INKA2: variants seen among roughly 807,000 people sequenced by gnomAD.
INKA2 encodes inka box actin regulator 2.
A neutral mutation model predicts 9.8 loss-of-function variants in INKA2; 3 were observed. The observed-to-expected ratio is 0.31, with a 90% CI of 0.14 to 0.79. The LOEUF is 0.79. INKA2 is among the 30% of genes least tolerant of loss of function. INKA2 has a pLI of 0.62. For missense variants in INKA2, 392 were observed against 384.4 expected, an observed-to-expected ratio of 1.02 and a Z score of -0.17; for synonymous variants, 147 against 143.3, an observed-to-expected ratio of 1.03 and a Z score of -0.18.
At chr1:111,752,277 CCTTA>C (rs1184638860) in intron 1 of INKA2, among the ~76,000 whole-genome samples, 4 of 152,122 alleles carry the variant, frequency 2.6e-5, no homozygotes, top group Non-Finnish European at 5.9e-5. Context: ...TATTTTGGGG[CCTTA>C]CTTTCAATCA....
intron 1 of INKA2, among the ~76,000 whole-genome samples, chr1:111,731,231 T>C (rs1235824484): frequency 6.6e-6 from 1 of 152,218 alleles, no homozygotes; most frequent in East Asian, 1.9e-4. Context: ...TGCAAAATAA[T>C]ATTCTGCATT....
At chr1:111,743,041 TA>T (rs1254996801), upstream of INKA2, among the ~76,000 whole-genome samples, 2 of 152,176 alleles carry the variant, frequency 1.3e-5, no homozygotes, top group African/African-American at 2.4e-5. Flanking sequence ...TTTTTCTTTT[TA>T]AAAAAGGATT....
In INKA2 at chr1:111,755,097, TGA is replaced by T. The variant is rs142940838; in HGVS notation, n.124+602_124+603del. ...AGCAATACAGAAGGCATGTAACATTTGAGAGTCTATTAGGCATCCCAAGGGAG... is the reference window on the plus strand; with the variant it reads ...AGCAATACAGAAGGCATGTAACATTTGAGTCTATTAGGCATCCCAAGGGAG... On this transcript the variant is annotated intron_variant and non_coding_transcript_variant, in intron 1 of 1. Coordinates refer to the INKA2 transcript ENST00000444059. 506 of 134,700 alleles carry T rather than the reference TGA, an allele frequency of 3.8e-3. 3 individuals are homozygous for T. Among genetic ancestry groups the T allele is most frequent in the Middle Eastern group, 0.01 (3 of 288 alleles). The allele number at this position is 134,700 out of a possible 1,614,324, so 8.3% of individuals were successfully genotyped here. A position where few individuals can be genotyped will look rare whatever the true frequency, so the allele number is the denominator to read the frequency against.
In INKA2 at chr1:111,726,593, G is replaced by A. The variant is rs1662774981; in HGVS notation, c.*375C>T. 5 of 235,694 alleles carry A rather than the reference G, an allele frequency of 2.1e-5. No individual in the cohort carries two copies. The highest frequency in any genetic ancestry group is 4.6e-5 in the African/African-American group (2 of 43,660). The allele number at this position is 235,694 out of a possible 1,614,324, so 14.6% of individuals were successfully genotyped here. ...CTCTTTTCCATACAGAATGTTCAACGGAGGTCTTTGGGGGCAGTGGAGATG... is the reference window on the plus strand; with the variant it reads ...CTCTTTTCCATACAGAATGTTCAACAGAGGTCTTTGGGGGCAGTGGAGATG... On this transcript the variant is annotated 3_prime_UTR_variant, in exon 2 of 2. Coordinates refer to ENST00000357260, the MANE Select transcript of INKA2 (RefSeq NM_019099.5).
chr1:111,733,465 A>G (rs561504377), intron 1 of INKA2, among the ~76,000 whole-genome samples: 1 of 152,230 alleles, frequency 6.6e-6, no homozygotes, highest in Non-Finnish European at 1.5e-5. Context: ...TGTTGTGAGA[A>G]GAAACCAGGG....
intron 1 of INKA2, among the ~76,000 whole-genome samples, chr1:111,748,332 G>C (rs562610569): frequency 3.3e-5 from 5 of 152,326 alleles, no homozygotes; most frequent in African/African-American, 1.2e-4. Flanking sequence ...CTCTAGATTG[G>C]CCCTGTAATC....
chr1:111,735,987 A>G (rs920597804), intron 1 of INKA2, among the ~76,000 whole-genome samples: 4 of 152,164 alleles, frequency 2.6e-5, no homozygotes, highest in African/African-American at 9.7e-5. Context: ...TGAACTCACG[A>G]GGGATGCCCT....
At position 111,726,984 on chromosome 1, in the gene INKA2, G is replaced by A. The variant is rs1180055100; in HGVS notation, c.878C>T (p.Thr293Ile). ...EHSPSGFDIN[T>I]AVWV The stretch of plus-strand genomic sequence containing the variant: ...CTCTAGGATTCAGACCCAAACAGCT[G>A]TGTTAATATCAAATCCTGAGGGTGA... The change falls in exon 2 of 2, where the codon ACA becomes ATA. Residue 293 changes from threonine (T) to isoleucine (I), a missense_variant. By Grantham distance (89) the Thr-to-Ile change is moderately conservative. Transcript: ENST00000357260. 5 of 1,613,642 alleles carry A rather than the reference G, an allele frequency of 3.1e-6. No homozygotes were observed. Among genetic ancestry groups the A allele is most frequent in the Non-Finnish European group, 4.2e-6 (5 of 1,179,844 alleles).
intron 1 of INKA2, chr1:111,753,149 C>G (rs1339132469): frequency 6.6e-6 from 1 of 152,144 alleles, no homozygotes; most frequent in Non-Finnish European, 1.5e-5. Flanking sequence ...GAAAGGCTCT[C>G]CAGGTAGATG....
chr1:111,737,677 A>G (rs12411227), intron 1 of INKA2, among the ~76,000 whole-genome samples: 6,120 of 152,278 alleles, frequency 0.04, 153 homozygotes, highest in East Asian at 0.073. Flanking sequence ...ATGGGAAGGG[A>G]CATGGCGTAA....
chr1:111,726,718 C>T lies in INKA2; in HGVS notation c.*250G>A, dbSNP rs984379959. 17 of 551,042 alleles carry T rather than the reference C, an allele frequency of 3.1e-5. No individual in the cohort carries two copies. Among genetic ancestry groups the T allele is most frequent in the Non-Finnish European group, 4.5e-5 (14 of 308,216 alleles). The allele number at this position is 551,042 out of a possible 1,614,324, so 34.1% of individuals were successfully genotyped here. A position where few individuals can be genotyped will look rare whatever the true frequency, so the allele number is the denominator to read the frequency against. ...CCAGACAGACACACACATGCACACA[C>T]ACACACACACACGCACAGCTCACTC... On this transcript the variant is annotated 3_prime_UTR_variant, in exon 2 of 2. Transcript: ENST00000357260.
At position 111,723,105 on chromosome 1, in the gene INKA2, A is replaced by G. The variant is rs1287009820; in HGVS notation, c.*3863T>C. ...CCATGGTGCTGGCAGAAGTGCCTTA[A>G]CTGCACCGGATGGGGAAGGCACCTG... On this transcript the variant is annotated 3_prime_UTR_variant, in exon 2 of 2. Coordinates refer to ENST00000357260, the MANE Select transcript of INKA2 (RefSeq NM_019099.5). 1.4e-6 allele frequency: 1 copy of G among 700,872 alleles called. No homozygotes were observed. The highest frequency in any genetic ancestry group is 2.6e-6 in the Non-Finnish European group (1 of 384,138). The allele number at this position is 700,872 out of a possible 1,614,324, so 43.4% of individuals were successfully genotyped here. A position where few individuals can be genotyped will look rare whatever the true frequency, so the allele number is the denominator to read the frequency against.
intron 1 of INKA2, among the ~76,000 whole-genome samples, chr1:111,730,459 C>T (rs1024697385): frequency 4.6e-5 from 7 of 152,164 alleles, no homozygotes; most frequent in South Asian, 4.1e-4. Flanking sequence ...AGACAGCTTC[C>T]GAACCGCCAG....
intron 1 of INKA2, among the ~76,000 whole-genome samples, chr1:111,729,467 G>A (rs1398642636): frequency 6.6e-6 from 1 of 152,232 alleles, no homozygotes; most frequent in African/African-American, 2.4e-5. Context: ...CAGCTGGAAG[G>A]TGCTGAGAGA....
chr1:111,742,747 A>T (rs1663175055), upstream of INKA2, among the ~76,000 whole-genome samples: 1 of 152,254 alleles, frequency 6.6e-6, no homozygotes, highest in Admixed American at 6.5e-5. Context: ...TAATCATAAT[A>T]CCAGTGCAGA....
chr1:111,735,334 A>G (rs1408260802), intron 1 of INKA2, among the ~76,000 whole-genome samples: 1 of 152,216 alleles, frequency 6.6e-6, no homozygotes, highest in African/African-American at 2.4e-5. Context: ...ACAGTTTACC[A>G]AGTGCCTACG....
At chr1:111,729,183 C>G (rs1172921950) in intron 1 of INKA2, among the ~76,000 whole-genome samples, 1 of 152,140 alleles carries the variant, frequency 6.6e-6, no homozygotes, top group East Asian at 1.9e-4. Context: ...AAAGGGTAGG[C>G]CTGGGGTTTC....
chr1:111,740,553 G>A (rs144856923), upstream of INKA2, among the ~76,000 whole-genome samples: 256 of 152,340 alleles, frequency 1.7e-3, 1 homozygote, highest in Middle Eastern at 6.8e-3. Flanking sequence ...GTAATTAACG[G>A]GGAAAAGTTT....
intron 1 of INKA2, among the ~76,000 whole-genome samples, chr1:111,735,781 C>T (rs1362034444): frequency 6.6e-6 from 1 of 152,188 alleles, no homozygotes; most frequent in East Asian, 1.9e-4. Flanking sequence ...CTGGTCCTTA[C>T]CCATTTGCCA....
Sources: gnomAD v4.1 joint callset for allele counts (sites outside exome capture counted in the v4.1 genomes callset) on GRCh38, gnomAD v4.1.1 for gene constraint, MANE v1.5 for transcripts, NCBI Gene and HGNC (gene_info 2026-07-23, HGNC 2026-07-21) for gene names.